CHN2: variants seen among roughly 807,000 people sequenced by gnomAD.
CHN2 encodes the protein beta-chimaerin.
In CHN2, 35 loss-of-function variants were observed where a neutral mutation model predicts 56.3. The observed-to-expected ratio is 0.62, with a 90% CI of 0.47 to 0.82. The LOEUF is 0.82. CHN2 is among the 40% of genes least tolerant of loss of function. CHN2 has a pLI of 0.00. For missense variants in CHN2, 491 were observed against 580.5 expected (o/e 0.85, Z 1.58); for synonymous variants, 210 against 212.8 (o/e 0.99, Z 0.12).
chr7:29,353,753 A>G (rs1798075367), intron 1 of CHN2, among the ~76,000 whole-genome samples: 1 of 152,230 alleles, frequency 6.6e-6, no homozygotes, highest in South Asian at 2.1e-4. Context: ...CCATATCTAA[A>G]GGTGCTGAAC....
At chr7:29,403,142 T>A (rs1299639319) in intron 6 of CHN2, among the ~76,000 whole-genome samples, 2 of 152,148 alleles carry the variant, frequency 1.3e-5, no homozygotes, top group Non-Finnish European at 2.9e-5. Context: ...AGTAGTTTGT[T>A]AAGTTACTTG....
chr7:29,362,746 C>T (rs771112378), intron 2 of CHN2, among the ~76,000 whole-genome samples: 3 of 152,152 alleles, frequency 2.0e-5, no homozygotes, highest in Non-Finnish European at 4.4e-5. Context: ...TGCCTCTTCC[C>T]TTGGGAAGTT....
intron 1 of CHN2, among the ~76,000 whole-genome samples, chr7:29,196,883 C>A (rs1783778092): frequency 6.6e-6 from 1 of 152,154 alleles, no homozygotes; most frequent in Non-Finnish European, 1.5e-5. Flanking sequence ...TATTTTTAAT[C>A]CTAAGGGAAA....
intron 1 of CHN2, among the ~76,000 whole-genome samples, chr7:29,236,502 A>G (rs1230166960): frequency 2.0e-5 from 3 of 152,222 alleles, no homozygotes; most frequent in African/African-American, 7.2e-5. Flanking sequence ...CTGCCACTAC[A>G]TGAGTTGTGA....
At chr7:29,480,052 C>T (rs1786983954) in intron 6 of CHN2, 21 of 1,538,476 alleles carry the variant, frequency 1.4e-5, no homozygotes, top group South Asian at 2.4e-5. Context: ...AAAATCCTGA[C>T]AGCACAGGGC....
At chr7:29,304,323 C>T (rs553414004) in intron 1 of CHN2, among the ~76,000 whole-genome samples, 9 of 152,076 alleles carry the variant, frequency 5.9e-5, no homozygotes, top group African/African-American at 4.8e-5. Flanking sequence ...TTATATGGTG[C>T]GAGACGTAGC....
intron 1 of CHN2, among the ~76,000 whole-genome samples, chr7:29,201,107 T>C (rs1233567892): frequency 6.6e-6 from 1 of 152,240 alleles, no homozygotes; most frequent in Non-Finnish European, 1.5e-5. Flanking sequence ...CTCAGCCTGT[T>C]TGTACTGCAG....
chr7:29,165,251 A>G (rs1380972356), intron 2 of CHN2, among the ~76,000 whole-genome samples: 1 of 152,156 alleles, frequency 6.6e-6, no homozygotes, highest in Non-Finnish European at 1.5e-5. Flanking sequence ...GGTCTTGCAT[A>G]AGTTTTCTTC....
chr7:29,408,207 T>A (rs1293653608), intron 6 of CHN2, among the ~76,000 whole-genome samples: 3 of 151,410 alleles, frequency 2.0e-5, no homozygotes, highest in African/African-American at 7.3e-5. Context: ...AAAAATAAAT[T>A]AAATTAAAAA....
At chr7:29,210,583 CTATA>C (rs530024129) in intron 1 of CHN2, among the ~76,000 whole-genome samples, 22 of 151,632 alleles carry the variant, frequency 1.5e-4, no homozygotes, top group Admixed American at 1.3e-3. Flanking sequence ...ACCAAAGGAA[CTATA>C]TATAATTTGT....
chr7:29,443,320 A>C (rs2128125475), intron 6 of CHN2, among the ~76,000 whole-genome samples: 1 of 152,328 alleles, frequency 6.6e-6, no homozygotes, highest in East Asian at 1.9e-4. Context: ...TAAGCTGAGA[A>C]GTACTGAAGT....
At chr7:29,389,352 C>G (rs1490662869) in intron 3 of CHN2, among the ~76,000 whole-genome samples, 1 of 152,224 alleles carries the variant, frequency 6.6e-6, no homozygotes, top group Non-Finnish European at 1.5e-5. Flanking sequence ...CATGCACTCT[C>G]AAATCCATTC....
chr7:29,194,467 G>T (rs992837805), upstream of CHN2: 1 of 155,930 alleles, frequency 6.4e-6, no homozygotes, highest in Non-Finnish European at 1.4e-5. Flanking sequence ...GGGGGAGGTC[G>T]CTCTGTCTGT....
chr7:29,484,811 A>T (rs1045833308), intron 7 of CHN2, among the ~76,000 whole-genome samples: 9 of 152,182 alleles, frequency 5.9e-5, no homozygotes, highest in African/African-American at 2.4e-5. Context: ...GCCTCACCCT[A>T]AAGGATGCAT....
At chr7:29,427,091 G>A (rs1256636855) in intron 6 of CHN2, among the ~76,000 whole-genome samples, 1 of 152,202 alleles carries the variant, frequency 6.6e-6, no homozygotes, top group Non-Finnish European at 1.5e-5. Context: ...GCCAAGGTGG[G>A]TGGATCACTT....
intron 6 of CHN2, among the ~76,000 whole-genome samples, chr7:29,424,261 T>C (rs62457771): frequency 0.1 from 15,558 of 152,254 alleles, 1,009 homozygotes; most frequent in Non-Finnish European, 0.14. Flanking sequence ...CATATCTTTA[T>C]TGAGTACCTT....
At chr7:29,415,389 T>C (rs1803631569) in intron 6 of CHN2, among the ~76,000 whole-genome samples, 1 of 152,056 alleles carries the variant, frequency 6.6e-6, no homozygotes, top group South Asian at 2.1e-4. Flanking sequence ...AAGTGGGGAG[T>C]TCCCACCTTG....
chr7:29,299,902 G>A (rs895280597), intron 1 of CHN2, among the ~76,000 whole-genome samples: 1 of 152,180 alleles, frequency 6.6e-6, no homozygotes, highest in Non-Finnish European at 1.5e-5. Context: ...GGAGGATGAA[G>A]CAACTTGGGG....
At chr7:29,348,303 T>C (rs1434318685) in intron 1 of CHN2, among the ~76,000 whole-genome samples, 2 of 152,298 alleles carry the variant, frequency 1.3e-5, no homozygotes, top group East Asian at 3.9e-4. Context: ...GTTAAAACTT[T>C]AGCACGTAAG....
Sources: gnomAD v4.1 joint callset for allele counts (sites outside exome capture counted in the v4.1 genomes callset) on GRCh38, gnomAD v4.1.1 for gene constraint, MANE v1.5 for transcripts, NCBI Gene and HGNC (gene_info 2026-07-23, HGNC 2026-07-21) for gene names.